LINGO1: variants seen among roughly 807,000 people sequenced by gnomAD.
LINGO1 encodes the protein leucine-rich repeat and immunoglobulin-like domain-containing nogo receptor-interacting protein 1.
A neutral mutation model predicts 37.3 loss-of-function variants in LINGO1; 11 were observed. The observed-to-expected ratio is 0.29, with a 90% CI of 0.19 to 0.49. The LOEUF (loss-of-function observed/expected upper bound fraction) is 0.49, where lower values mean the gene tolerates loss of function less well. LINGO1 is among the 20% of genes least tolerant of loss of function. The pLI is 0.99. For synonymous variants in LINGO1, 387 were observed against 403.0 expected (o/e 0.96, Z 0.48); for missense variants, 585 against 878.2 (o/e 0.67, Z 4.22).
intron 3 of LINGO1, among the ~76,000 whole-genome samples, chr15:77,655,999 C>A (rs780280951): frequency 6.6e-6 from 1 of 152,240 alleles, no homozygotes; most frequent in Non-Finnish European, 1.5e-5. Context: ...GGGTGGACTC[C>A]TGCCCCTGCT....
intron 2 of LINGO1, among the ~76,000 whole-genome samples, chr15:77,706,305 C>A (rs1287141752): frequency 6.6e-6 from 1 of 152,214 alleles, no homozygotes; most frequent in Non-Finnish European, 1.5e-5. Context: ...CCTGCCAGAC[C>A]CCCTGGAGTG....
chr15:77,646,438 G>C (rs1458785529), intron 3 of LINGO1: 6 of 455,926 alleles, frequency 1.3e-5, no homozygotes, highest in Non-Finnish European at 2.6e-5. Context: ...GGGAAGGCGA[G>C]AAGAGGGAGG....
intron 3 of LINGO1, among the ~76,000 whole-genome samples, chr15:77,666,651 G>A (rs1230785646): frequency 6.6e-6 from 1 of 152,202 alleles, no homozygotes; most frequent in African/African-American, 2.4e-5. Context: ...TTGTGATCTG[G>A]AGCAGCTAAC....
intron 1 of LINGO1, among the ~76,000 whole-genome samples, chr15:77,776,596 A>C (rs114994004): frequency 6.8e-6 from 1 of 147,860 alleles, no homozygotes; most frequent in African/African-American, 2.5e-5. Context: ...TGGGGCCGCA[A>C]TATAACAGGC....
chr15:77,804,833 G>A (rs923383289), intron 1 of LINGO1, among the ~76,000 whole-genome samples: 1 of 152,190 alleles, frequency 6.6e-6, no homozygotes, highest in African/African-American at 2.4e-5. Context: ...GGGTACTGCG[G>A]TTACCACCTC....
chr15:77,659,326 C>A (rs920750260), intron 3 of LINGO1, among the ~76,000 whole-genome samples: 4 of 151,828 alleles, frequency 2.6e-5, no homozygotes, highest in South Asian at 2.1e-4. Context: ...AGCCCAAATG[C>A]CACCTCTTCT....
At chr15:77,665,349 C>A (rs2075107017) in intron 3 of LINGO1, among the ~76,000 whole-genome samples, 1 of 152,148 alleles carries the variant, frequency 6.6e-6, no homozygotes, top group South Asian at 2.1e-4. Flanking sequence ...ACAGCTAGAG[C>A]CCTGCTCCTT....
Position 77,688,023 on chromosome 15 carries a change from C to T in LINGO1, c.-99+2697G>A, listed in dbSNP as rs2075541436. On this transcript the variant is annotated intron_variant, in intron 2 of 3. Coordinates refer to the LINGO1 transcript ENST00000559893. ...CCTTGCTGACGCTCCTGTCTGAAAC[C>T]TCCATCCTGGTTCAGTTTTCAGCTC... 1.3e-5 allele frequency among the ~76,000 whole-genome samples: 2 copies of T among 152,332 alleles called. 1 individual carries two copies. The highest frequency in any genetic ancestry group is 2.9e-5 in the Non-Finnish European group (2 of 68,034).
chr15:77,740,147 G>C (rs950729404), intron 1 of LINGO1, among the ~76,000 whole-genome samples: 1 of 152,234 alleles, frequency 6.6e-6, no homozygotes, highest in Non-Finnish European at 1.5e-5. Context: ...AAGGAGCCCT[G>C]ACAGCATGGA....
At chr15:77,640,439 G>A (rs1316315459) in intron 3 of LINGO1, among the ~76,000 whole-genome samples, 18 of 152,200 alleles carry the variant, frequency 1.2e-4, no homozygotes, top group Admixed American at 1.2e-3. Flanking sequence ...GAGCACCTCT[G>A]GCATGCTAGG....
chr15:77,669,807 T>C (rs1021916671), intron 3 of LINGO1, among the ~76,000 whole-genome samples: 4 of 152,240 alleles, frequency 2.6e-5, no homozygotes, highest in African/African-American at 4.8e-5. Flanking sequence ...AGCATGCCCC[T>C]GTCTAATGCC....
intron 2 of LINGO1, among the ~76,000 whole-genome samples, chr15:77,708,739 C>T (rs906852843): frequency 4.6e-5 from 7 of 152,100 alleles, no homozygotes; most frequent in African/African-American, 1.2e-4. Context: ...ATGGTGAAAC[C>T]GTCTCCAATA....
At position 77,632,451 on chromosome 15, in the gene LINGO1, C is replaced by A. The variant is rs1390250099; in HGVS notation, c.-136G>T. The A allele has an allele frequency of 2.0e-6, 2 of 993,302 alleles. No homozygotes were observed. The highest frequency in any genetic ancestry group is 2.6e-6 in the Non-Finnish European group (2 of 771,324). The allele number at this position is 993,302 out of a possible 1,614,324, so 61.5% of individuals were successfully genotyped here. On this transcript the variant is annotated 5_prime_UTR_variant, in exon 1 of 2. Transcript: ENST00000355300. This position sits in a 1 kb window ranked among gnomAD's most constrained non-coding sequence, Gnocchi z 6.0. Reference sequence around the variant, plus strand: ...CGACACCTCCGCCCGGCAGTCCGCGCGCCCTCGCGGGGCTGGCTGTCCGTC... The same window carrying A: ...CGACACCTCCGCCCGGCAGTCCGCGAGCCCTCGCGGGGCTGGCTGTCCGTC...
intron 2 of LINGO1, among the ~76,000 whole-genome samples, chr15:77,688,372 T>C (rs2141244449): frequency 6.6e-6 from 1 of 152,374 alleles, no homozygotes; most frequent in Middle Eastern, 3.4e-3. Context: ...ATTACTCCAC[T>C]TGAATACCCG....
exon 1 of LINGO1, chr15:77,820,320 G>A (rs2077087365): frequency 6.6e-6 from 1 of 152,510 alleles, no homozygotes; most frequent in Admixed American, 6.5e-5. Context: ...GGAACAGTCC[G>A]GGGCGGTGGC....
chr15:77,672,840 T>C (rs2075273571), intron 3 of LINGO1, among the ~76,000 whole-genome samples: 3 of 152,164 alleles, frequency 2.0e-5, no homozygotes, highest in Admixed American at 2.0e-4. Flanking sequence ...GGTAACTGTG[T>C]CAGCTTCCAC....
chr15:77,640,509 A>G lies in LINGO1; in HGVS notation c.-12-24609T>C, dbSNP rs1251203379. On this transcript the variant is annotated intron_variant, in intron 3 of 3. Coordinates refer to the LINGO1 transcript ENST00000559893. Reference sequence around the variant, plus strand: ...CTCAATCACACCCTGTAAAGTAGGGACTGTTATTATCCTCATTTAGCAGTT... The same window carrying G: ...CTCAATCACACCCTGTAAAGTAGGGGCTGTTATTATCCTCATTTAGCAGTT... 3.3e-5 allele frequency among the ~76,000 whole-genome samples: 5 copies of G among 152,260 alleles called. No homozygotes were observed. The East Asian group carries it at 9.7e-4, about 29-fold the overall frequency.
intron 3 of LINGO1, among the ~76,000 whole-genome samples, chr15:77,647,060 C>G (rs746382023): frequency 1.6e-4 from 22 of 140,244 alleles, no homozygotes; most frequent in African/African-American, 5.9e-4. Context: ...CTCTAGCTAA[C>G]GAGTATGGAG....
chr15:77,652,459 C>G (rs957163094), intron 3 of LINGO1, among the ~76,000 whole-genome samples: 3 of 143,564 alleles, frequency 2.1e-5, no homozygotes, highest in African/African-American at 7.8e-5. Context: ...CATCTCTTAC[C>G]TACAGCTGCA....
Sources: gnomAD v4.1 joint callset for allele counts (sites outside exome capture counted in the v4.1 genomes callset) on GRCh38, gnomAD v4.1.1 for gene constraint, Gnocchi (gnomAD v3.1) non-coding constraint, MANE v1.5 for transcripts, NCBI Gene and HGNC (gene_info 2026-07-23, HGNC 2026-07-21) for gene names.